CSMD1: variants seen among roughly 807,000 people sequenced by gnomAD.
CSMD1 encodes CUB and Sushi multiple domains 1, also known as CUB and sushi domain-containing protein 1.
A neutral mutation model predicts 417.5 loss-of-function variants in CSMD1; 213 were observed. The observed-to-expected ratio is 0.51, with a 90% CI of 0.46 to 0.57. The LOEUF (loss-of-function observed/expected upper bound fraction) is 0.57. CSMD1 is among the 20% of genes least tolerant of loss of function. The pLI is 0.00. For synonymous variants in CSMD1, 2,862 were observed against 1,736.8 expected, an observed-to-expected ratio of 1.65 and a Z score of -16.11; for missense variants, 6,923 against 4,529.7, an observed-to-expected ratio of 1.53 and a Z score of -15.17.
intron 5 of CSMD1, among the ~76,000 whole-genome samples, chr8:3,977,775 A>G (rs192853725): frequency 4.3e-4 from 65 of 152,310 alleles, no homozygotes; most frequent in Non-Finnish European, 9.0e-4. Flanking sequence ...ATGCTTAGTT[A>G]ATTTGCTCCT....
At chr8:4,060,241 C>G (rs1348880738) in intron 3 of CSMD1, among the ~76,000 whole-genome samples, 3 of 39,782 alleles carry the variant, frequency 7.5e-5, no homozygotes, top group South Asian at 1.1e-3. Flanking sequence ...CAAAATTCAA[C>G]AACCCTTCAT....
intron 55 of CSMD1, among the ~76,000 whole-genome samples, chr8:2,976,232 A>T: frequency 6.6e-6 from 1 of 152,238 alleles, no homozygotes; most frequent in African/African-American, 2.4e-5. Context: ...GAAAAAAAAA[A>T]AAACTGCAAC....
intron 5 of CSMD1, among the ~76,000 whole-genome samples, chr8:3,841,319 A>T (rs972280592): frequency 6.6e-6 from 1 of 152,214 alleles, no homozygotes; most frequent in Non-Finnish European, 1.5e-5. Flanking sequence ...TTGGCAAAAT[A>T]AATTGGCATC....
At chr8:4,584,435 G>A (rs758835305) in intron 2 of CSMD1, among the ~76,000 whole-genome samples, 1 of 152,066 alleles carries the variant, frequency 6.6e-6, no homozygotes, top group South Asian at 2.1e-4. Flanking sequence ...GGCACCTGTC[G>A]GCCAGTTAAA....
At chr8:3,804,366 A>G (rs111969675) in intron 5 of CSMD1, among the ~76,000 whole-genome samples, 3,592 of 152,312 alleles carry the variant, frequency 0.024, 49 homozygotes, top group Middle Eastern at 0.068. Context: ...AAAAATACCC[A>G]GTGTGAATTA....
intron 1 of CSMD1, among the ~76,000 whole-genome samples, chr8:4,935,682 A>G (rs1200871364): frequency 6.6e-6 from 1 of 152,214 alleles, no homozygotes; most frequent in Non-Finnish European, 1.5e-5. Flanking sequence ...CGAGTTTTAC[A>G]TATTTTTAGT....
chr8:4,619,118 G>C (rs1281885583), intron 2 of CSMD1, among the ~76,000 whole-genome samples: 3 of 152,194 alleles, frequency 2.0e-5, no homozygotes, highest in African/African-American at 7.2e-5. Flanking sequence ...AATTTCTCTA[G>C]TCTTTTGCCC....
At chr8:3,053,115 C>A (rs1271576716) in intron 49 of CSMD1, among the ~76,000 whole-genome samples, 2 of 152,156 alleles carry the variant, frequency 1.3e-5, no homozygotes, top group Non-Finnish European at 2.9e-5. Flanking sequence ...GATAAGTATA[C>A]ACATTTTCAA....
At position 3,706,765 on chromosome 8, in the gene CSMD1, A is replaced by T. The variant is rs374120124; in HGVS notation, c.1009+1649T>A. ...TGTGCAGGGTTTTATCATAAAAATC[A>T]TTTTCAAACTACTGTAAATACTATA... On this transcript the variant is annotated intron_variant, in intron 7 of 69. Coordinates refer to ENST00000635120, the MANE Select transcript of CSMD1 (RefSeq NM_033225.6). 1.4e-4 allele frequency among the ~76,000 whole-genome samples: 21 copies of T among 148,716 alleles called. No homozygotes were observed. In the South Asian group the frequency reaches 4.5e-3, roughly 32 times the overall value.
At chr8:4,009,399 A>C (rs1417826044) in intron 4 of CSMD1, among the ~76,000 whole-genome samples, 1 of 152,246 alleles carries the variant, frequency 6.6e-6, no homozygotes, top group African/African-American at 2.4e-5. Context: ...TGCCATGTTT[A>C]TCATAAAGAA....
At chr8:4,882,401 T>A (rs1803467343) in intron 1 of CSMD1, among the ~76,000 whole-genome samples, 1 of 151,370 alleles carries the variant, frequency 6.6e-6, no homozygotes, top group African/African-American at 2.4e-5. Flanking sequence ...GGGGAGCGAG[T>A]TTGGCATTGT....
Position 4,226,969 on chromosome 8 carries a change from G to A in CSMD1, c.415+192984C>T, listed in dbSNP as rs563336789. Reference sequence around the variant, plus strand: ...TGCTTAACAGTTTTACTTTAGTTTGGAGAAGCACAGTTCTGAAAACTAAAG... The same window carrying A: ...TGCTTAACAGTTTTACTTTAGTTTGAAGAAGCACAGTTCTGAAAACTAAAG... On this transcript the variant is annotated intron_variant, in intron 3 of 69. Transcript: ENST00000635120. Among the ~76,000 whole-genome samples the A allele has an allele frequency of 3.9e-5, 6 of 152,258 alleles. No individual in the cohort carries two copies. In the South Asian group the frequency reaches 1.2e-3, roughly 32 times the overall value.
At chr8:3,734,873 A>G (rs977732255) in intron 6 of CSMD1, among the ~76,000 whole-genome samples, 24 of 152,266 alleles carry the variant, frequency 1.6e-4, no homozygotes, top group African/African-American at 5.8e-4. Context: ...TGATGCTACA[A>G]TAGGGCTGTA....
chr8:3,859,459 T>A (rs2129104876), intron 5 of CSMD1, among the ~76,000 whole-genome samples: 1 of 152,336 alleles, frequency 6.6e-6, no homozygotes, highest in East Asian at 1.9e-4. Context: ...CTGGACTTTG[T>A]GCTTGGTTTC....
At chr8:3,802,537 C>T (rs1010249386) in intron 5 of CSMD1, among the ~76,000 whole-genome samples, 1 of 152,076 alleles carries the variant, frequency 6.6e-6, no homozygotes, top group Non-Finnish European at 1.5e-5. Context: ...ATACATTTAG[C>T]AGAATAATTT....
intron 25 of CSMD1, among the ~76,000 whole-genome samples, chr8:3,291,992 C>G (rs560690186): frequency 1.3e-5 from 2 of 151,772 alleles, no homozygotes; most frequent in Admixed American, 1.3e-4. Context: ...CTACACACTG[C>G]TTTGAATGTG....
At chr8:3,382,682 C>G (rs992604575) in intron 18 of CSMD1, among the ~76,000 whole-genome samples, 6 of 149,820 alleles carry the variant, frequency 4.0e-5, no homozygotes, top group African/African-American at 1.5e-4. Context: ...AGCTCATTTT[C>G]TCATAGATCT....
intron 3 of CSMD1, among the ~76,000 whole-genome samples, chr8:4,209,145 C>G (rs904734476): frequency 1.1e-4 from 16 of 152,144 alleles, no homozygotes; most frequent in African/African-American, 3.6e-4. Flanking sequence ...CTATCTAAAA[C>G]CAAAATCTGC....
At chr8:3,745,542 G>C (rs997673291) in intron 6 of CSMD1, among the ~76,000 whole-genome samples, 5 of 152,170 alleles carry the variant, frequency 3.3e-5, no homozygotes, top group African/African-American at 1.2e-4. Context: ...ACAATTTTCA[G>C]TGGTTGCCAC....
Sources: allele counts gnomAD v4.1 joint callset (sites outside exome capture counted in the v4.1 genomes callset), GRCh38; gene constraint gnomAD v4.1.1; transcripts MANE v1.5; gene names NCBI Gene and HGNC (gene_info 2026-07-23, HGNC 2026-07-21).